Variants in KCNN2 observed in about 807,000 individuals in gnomAD.
The protein encoded by KCNN2 is potassium calcium-activated channel subfamily N member 2.
In KCNN2, 24 loss-of-function variants were observed where a neutral mutation model predicts 55.5. The observed-to-expected ratio is 0.43, with a 90% confidence interval of 0.31 to 0.61. KCNN2 has a LOEUF of 0.61. Ranked by LOEUF, KCNN2 falls within the 20% of genes least tolerant of loss-of-function variation. The pLI is 0.08. For synonymous variants in KCNN2, 431 were observed against 336.1 expected, an observed-to-expected ratio of 1.28 and a Z score of -3.09; for missense variants, 754 against 853.6, an observed-to-expected ratio of 0.88 and a Z score of 1.45.
At chr5:114,119,880 T>C (rs535195015) in intron 1 of KCNN2, among the ~76,000 whole-genome samples, 7 of 152,302 alleles carry the variant, frequency 4.6e-5, no homozygotes, top group African/African-American at 7.2e-5. Context: ...TACTATGTCT[T>C]GGTGTCTCGC....
chr5:114,142,125 G>C (rs950983869), intron 1 of KCNN2, among the ~76,000 whole-genome samples: 23 of 152,066 alleles, frequency 1.5e-4, no homozygotes, highest in Non-Finnish European at 4.4e-5. Flanking sequence ...TGCAGAAGCT[G>C]TTTAGTTTAA....
At chr5:114,093,138 A>G (rs1194782009) in intron 1 of KCNN2, among the ~76,000 whole-genome samples, 1 of 152,008 alleles carries the variant, frequency 6.6e-6, no homozygotes, top group African/African-American at 2.4e-5. Context: ...CATCTCTCTC[A>G]AGTTCAACGT....
At chr5:114,415,078 A>G (rs550015269) in intron 3 of KCNN2, among the ~76,000 whole-genome samples, 8 of 152,332 alleles carry the variant, frequency 5.3e-5, no homozygotes, top group African/African-American at 1.9e-4. Flanking sequence ...CAAATAATAT[A>G]TAGTCTTTTA....
chr5:114,139,632 C>G (rs1036994348), intron 1 of KCNN2, among the ~76,000 whole-genome samples: 2 of 150,380 alleles, frequency 1.3e-5, no homozygotes, highest in African/African-American at 4.9e-5. Flanking sequence ...TTTATAGAGG[C>G]TAAATAATAT....
intron 2 of KCNN2, among the ~76,000 whole-genome samples, chr5:114,316,339 GC>G (rs970901068): frequency 6.6e-6 from 1 of 152,112 alleles, no homozygotes; most frequent in East Asian, 1.9e-4. Context: ...GGTCACTGGA[GC>G]CCCCTCCTGG....
intron 2 of KCNN2, among the ~76,000 whole-genome samples, chr5:114,336,532 C>A (rs1756927545): frequency 6.6e-6 from 1 of 152,120 alleles, no homozygotes; most frequent in Non-Finnish European, 1.5e-5. Context: ...TTGGACGAGA[C>A]ACTATACCAA....
chr5:114,391,501 T>TTG (rs1369092820), intron 2 of KCNN2, among the ~76,000 whole-genome samples: 3 of 152,042 alleles, frequency 2.0e-5, no homozygotes, highest in Non-Finnish European at 2.9e-5. Flanking sequence ...CTCCAAAATG[T>TTG]TGTGTGTGTG....
intron 2 of KCNN2, among the ~76,000 whole-genome samples, chr5:114,224,367 G>C (rs1240691497): frequency 6.6e-6 from 1 of 152,114 alleles, no homozygotes; most frequent in East Asian, 1.9e-4. Flanking sequence ...ATTTTTTCTT[G>C]CTGAATTAAT....
chr5:114,092,433 G>C (rs1157637706), intron 1 of KCNN2, among the ~76,000 whole-genome samples: 1 of 152,180 alleles, frequency 6.6e-6, no homozygotes, highest in African/African-American at 2.4e-5. Context: ...ATTTTCTGTG[G>C]CTTTTCCAGG....
rs143640017 is a variant in KCNN2, at chr5:114,240,553, T to C, written c.-185+18988T>C. Among the ~76,000 whole-genome samples, 486 of 151,856 alleles carry C rather than the reference T, an allele frequency of 3.2e-3. 2 individuals are homozygous for C. Among genetic ancestry groups the C allele is most frequent in the African/African-American group, 0.011 (472 of 41,418 alleles). ...TTCAAACAATTCTTGTGTCTTAGCC[T>C]CCTGAGTAGCTGGGCTCACAGGTGC... On this transcript the variant is annotated intron_variant, in intron 2 of 10. Coordinates refer to the KCNN2 transcript ENST00000512097.
rs757076003 is a variant in KCNN2 at position 114,496,162 on chromosome 5, A to G, written c.2356A>G (p.Thr786Ala). 11 of 1,613,744 alleles carry G rather than the reference A, an allele frequency of 6.8e-6. No individual in the cohort carries two copies. The highest frequency in any genetic ancestry group is 6.7e-5 in the African/African-American group (5 of 74,878). ...RRRSSSTAPPTSSESS is the reference protein window; with the variant it reads ...RRRSSSTAPPASSESS The stretch of plus-strand genomic sequence containing the variant: ...GCGGTCCTCTTCCACAGCACCACCA[A>G]CTTCATCAGAGAGTAGCTAGAAGAG... Residue 786 changes from threonine to alanine, a missense_variant, in exon 8 of 8, where the codon ACT becomes GCT. Thr to Ala is a moderately conservative substitution (Grantham distance 58, BLOSUM62 0). Around this residue, in one of 4 missense-constraint regions of KCNN2, gnomAD observed 164 missense variants for 156.6 expected, o/e 1.05. Transcript: ENST00000673685.
chr5:114,205,132 G>A (rs1465830428), intron 1 of KCNN2, among the ~76,000 whole-genome samples: 1 of 151,770 alleles, frequency 6.6e-6, no homozygotes, highest in Admixed American at 6.6e-5. Flanking sequence ...GTCAAACACT[G>A]TCTGTCTTTG....
chr5:114,491,555 G>A (rs1490633852), intron 6 of KCNN2, among the ~76,000 whole-genome samples: 1 of 144,836 alleles, frequency 6.9e-6, no homozygotes, highest in East Asian at 2.0e-4. Flanking sequence ...AAAAGCAGGT[G>A]TTAGGAGATA....
intron 2 of KCNN2, among the ~76,000 whole-genome samples, chr5:114,378,499 C>T (rs1341468648): frequency 1.3e-5 from 2 of 152,090 alleles, no homozygotes; most frequent in African/African-American, 4.8e-5. Context: ...TTGGGAAGTG[C>T]AGATTTTTGT....
chr5:114,369,969 C>T (rs972840809), intron 2 of KCNN2, among the ~76,000 whole-genome samples: 3 of 151,994 alleles, frequency 2.0e-5, no homozygotes, highest in Non-Finnish European at 2.9e-5. Context: ...GATTTAACTT[C>T]AGAGAAGTTA....
chr5:114,278,581 C>T (rs537212734), intron 2 of KCNN2, among the ~76,000 whole-genome samples: 11 of 152,358 alleles, frequency 7.2e-5, no homozygotes, highest in East Asian at 5.8e-4. Flanking sequence ...CAATGGCAGA[C>T]GCCCCTTCCC....
intron 2 of KCNN2, among the ~76,000 whole-genome samples, chr5:114,335,951 A>T (rs1756915404): frequency 1.3e-5 from 2 of 152,204 alleles, no homozygotes; most frequent in Non-Finnish European, 2.9e-5. Context: ...AACCTAGTTG[A>T]GCTCAGGTTT....
chr5:114,426,036 G>A (rs2150084015), intron 3 of KCNN2, among the ~76,000 whole-genome samples: 1 of 151,202 alleles, frequency 6.6e-6, no homozygotes, highest in South Asian at 2.1e-4. Flanking sequence ...AAAAAAATTA[G>A]CTGGGCATGG....
intron 1 of KCNN2, among the ~76,000 whole-genome samples, chr5:114,072,816 CTACTT>C (rs367740058): frequency 0.026 from 4,027 of 152,192 alleles, 182 homozygotes; most frequent in African/African-American, 0.091. Context: ...GTAACAGTAT[CTACTT>C]TATAAGGTAG....
Sources: allele counts gnomAD v4.1 joint callset (sites outside exome capture counted in the v4.1 genomes callset), GRCh38; gene constraint gnomAD v4.1.1; regional missense constraint gnomAD v4.1.1; transcripts MANE v1.5; gene names NCBI Gene and HGNC (gene_info 2026-07-23, HGNC 2026-07-21).